The following GPC3 variants were observed in gnomAD, a reference collection of about 807,000 sequenced individuals.
GPC3 encodes the protein glypican-3.
GPC3 carries 3 observed loss-of-function variants against 34.4 expected under a neutral mutation model. That is an observed-to-expected ratio of 0.09 (90% CI 0.04 to 0.23). The LOEUF (loss-of-function observed/expected upper bound fraction) is 0.23. Among genes scored for constraint, GPC3 ranks in the 10% least tolerant of loss-of-function variants. The pLI, the probability that GPC3 is intolerant of heterozygous loss-of-function variation, is 1.00. For missense variants in GPC3, 351 were observed against 445.6 expected (o/e 0.79, Z 1.91); for synonymous variants, 177 against 174.0 (o/e 1.02, Z -0.13).
chrX:133,878,654 T>C (rs1331990096), intron 2 of GPC3, among the ~76,000 whole-genome samples: 2 of 111,694 alleles, frequency 1.8e-5, no homozygotes, highest in Admixed American at 1.9e-4. Context: ...CAGTAACTGA[T>C]AGTAGGGGTC....
chrX:133,847,466 C>T (rs935191520), intron 2 of GPC3, among the ~76,000 whole-genome samples: 1 of 112,103 alleles, frequency 8.9e-6, no homozygotes, highest in Admixed American at 9.5e-5. Flanking sequence ...AGCAGACATC[C>T]GACTGCCTAT....
At chrX:133,866,184 T>C (rs1034879995) in intron 2 of GPC3, among the ~76,000 whole-genome samples, 1 of 112,141 alleles carries the variant, frequency 8.9e-6, no homozygotes, top group East Asian at 2.8e-4. Context: ...CAATACCTTA[T>C]ATATGCAAAT....
At chrX:133,675,531 C>T (rs1413099748) in intron 5 of GPC3, among the ~76,000 whole-genome samples, 1 of 111,682 alleles carries the variant, frequency 9.0e-6, no homozygotes, top group African/African-American at 3.3e-5. Flanking sequence ...TACCCAGTAC[C>T]TGGCACCCAG....
At chrX:133,605,172 T>G (rs1603188201) in intron 6 of GPC3, among the ~76,000 whole-genome samples, 2 of 95,981 alleles carry the variant, frequency 2.1e-5, no homozygotes, top group African/African-American at 7.5e-5. Flanking sequence ...ACTTCACACG[T>G]GGGGGGGGGG....
At chrX:133,865,988 G>A (rs900502495) in intron 2 of GPC3, among the ~76,000 whole-genome samples, 1 of 111,847 alleles carries the variant, frequency 8.9e-6, no homozygotes, top group African/African-American at 3.2e-5. Context: ...CATTACTATG[G>A]TATACAGACA....
chrX:133,554,664 C>G (rs2069469033), intron 7 of GPC3, among the ~76,000 whole-genome samples: 1 of 110,602 alleles, frequency 9.0e-6, no homozygotes, highest in Non-Finnish European at 1.9e-5. Flanking sequence ...TCCTCCCCAC[C>G]AAACTACTCA....
At chrX:133,831,918 G>A (rs1327770685) in intron 2 of GPC3, among the ~76,000 whole-genome samples, 1 of 111,958 alleles carries the variant, frequency 8.9e-6, no homozygotes, top group Non-Finnish European at 1.9e-5. Flanking sequence ...ATAATCTTAT[G>A]AAGTAAATAC....
intron 2 of GPC3, among the ~76,000 whole-genome samples, chrX:133,867,304 T>C (rs2075972592): frequency 9.0e-6 from 1 of 111,608 alleles, no homozygotes; most frequent in Non-Finnish European, 1.9e-5. Context: ...GCAATGACTC[T>C]TCACTGAACT....
chrX:133,959,329 C>T (rs765673346), intron 1 of GPC3, among the ~76,000 whole-genome samples: 26 of 112,460 alleles, frequency 2.3e-4, no homozygotes, highest in Non-Finnish European at 4.7e-4. Flanking sequence ...CCTATGCTTA[C>T]CACATTCACT....
chrX:133,723,057 C>T lies in GPC3; in HGVS notation c.1033-23029G>A, dbSNP rs1480768965. ...AAAATGTCAGTCATGGTTTCTTCCACTTAGAATTGACTTCTCTCTTTGTCC... is the reference window on the plus strand; with the variant it reads ...AAAATGTCAGTCATGGTTTCTTCCATTTAGAATTGACTTCTCTCTTTGTCC... On this transcript the variant is annotated intron_variant, in intron 3 of 7. Coordinates refer to ENST00000370818, the MANE Select transcript of GPC3 (RefSeq NM_004484.4). Among the ~76,000 whole-genome samples the T allele has an allele frequency of 3.0e-5, 3 of 100,562 alleles. No individual in the cohort carries two copies. In the East Asian group the frequency reaches 1.2e-3, roughly 39 times the overall value. The allele number at this position is 100,562 out of a possible 115,157, so 87.3% of individuals were successfully genotyped here.
At chrX:133,863,602 A>AAC (rs58143389) in intron 2 of GPC3, among the ~76,000 whole-genome samples, 4,710 of 96,965 alleles carry the variant, frequency 0.049, 375 homozygotes, top group African/African-American at 0.18. Flanking sequence ...CACCAACATC[A>AAC]ACACACACAC....
At chrX:133,941,965 T>C (rs966972206) in intron 2 of GPC3, among the ~76,000 whole-genome samples, 5 of 111,369 alleles carry the variant, frequency 4.5e-5, no homozygotes, top group African/African-American at 1.6e-4. Flanking sequence ...GATCAACAAA[T>C]CTCACTGGCA....
chrX:133,546,041 T>A (rs2069383202), intron 7 of GPC3, among the ~76,000 whole-genome samples: 1 of 112,023 alleles, frequency 8.9e-6, no homozygotes, highest in Non-Finnish European at 1.9e-5. Context: ...CAAACACTGA[T>A]AGGACTTTAA....
At chrX:133,632,795 T>C (rs1364606174) in intron 6 of GPC3, among the ~76,000 whole-genome samples, 1 of 111,728 alleles carries the variant, frequency 9.0e-6, no homozygotes, top group Non-Finnish European at 1.9e-5. Flanking sequence ...TACATTTCTC[T>C]TATATGCCCC....
rs752584081 is a variant in GPC3, at chrX:133,569,137, C to A, written c.1573+27303G>T. Among the ~76,000 whole-genome samples the A allele has an allele frequency of 8.4e-4, 94 of 111,622 alleles. 1 individual carries two copies. The highest frequency in any genetic ancestry group is 1.6e-3 in the Non-Finnish European group (84 of 53,126). The stretch of plus-strand genomic sequence containing the variant: ...GAACCATGATCACGCCACTGCACGC[C>A]AGCCTGGGGGACAAAGTGAGACCTT... On this transcript the variant is annotated intron_variant, in intron 7 of 7. Coordinates refer to ENST00000370818, the MANE Select transcript of GPC3 (RefSeq NM_004484.4).
intron 5 of GPC3, among the ~76,000 whole-genome samples, chrX:133,666,521 AGT>A (rs2070769166): frequency 8.9e-6 from 1 of 112,318 alleles, no homozygotes; most frequent in Admixed American, 9.5e-5. Context: ...TAGTTGCTTA[AGT>A]TTAGTGGCAC....
intron 2 of GPC3, among the ~76,000 whole-genome samples, chrX:133,922,258 T>C (rs1260042100): frequency 8.9e-6 from 1 of 112,063 alleles, no homozygotes; most frequent in East Asian, 2.8e-4. Context: ...CCTACGCCTT[T>C]CCCACTGAGA....
chrX:133,918,472 AAAAAT>A (rs760527250), intron 2 of GPC3, among the ~76,000 whole-genome samples: 11 of 112,663 alleles, frequency 9.8e-5, no homozygotes, highest in African/African-American at 3.5e-4. Context: ...TTGCAGCTTT[AAAAAT>A]AAAGTGGATG....
intron 6 of GPC3, among the ~76,000 whole-genome samples, chrX:133,615,207 A>T (rs1349700181): frequency 9.0e-6 from 1 of 111,581 alleles, no homozygotes; most frequent in African/African-American, 3.3e-5. Context: ...AGTCAGTGCT[A>T]CCCTAACACT....
Sources: gnomAD v4.1 joint callset for allele counts (sites outside exome capture counted in the v4.1 genomes callset) on GRCh38, gnomAD v4.1.1 for gene constraint, MANE v1.5 for transcripts, NCBI Gene and HGNC (gene_info 2026-07-23, HGNC 2026-07-21) for gene names.